The following RAB27A variants were observed in gnomAD, a reference collection of about 807,000 sequenced individuals.
RAB27A encodes ras-related protein Rab-27A.
RAB27A carries 17 observed loss-of-function variants against 20.8 expected under a neutral mutation model. The ratio of observed to expected loss-of-function variants is 0.82; its 90% CI spans 0.56 to 1.23. The LOEUF is 1.23. RAB27A is among the 50% of genes most tolerant of loss of function. The pLI is 0.00. For synonymous variants in RAB27A, 85 were observed against 92.8 expected (o/e 0.92, Z 0.48); for missense variants, 277 against 266.7 (o/e 1.04, Z -0.27).
At chr15:55,213,691 A>G (rs1376286256) in intron 6 of RAB27A, among the ~76,000 whole-genome samples, 1 of 152,182 alleles carries the variant, frequency 6.6e-6, no homozygotes, top group Non-Finnish European at 1.5e-5. Context: ...TGCCCATGTG[A>G]GGGATCTAGG....
At chr15:55,280,503 T>TTATATA (rs71297648) in intron 1 of RAB27A, among the ~76,000 whole-genome samples, 12,102 of 137,664 alleles carry the variant, frequency 0.088, 609 homozygotes, top group Non-Finnish European at 0.13. Flanking sequence ...TGGGTATGGT[T>TTATATA]TATATATATA....
rs560649281 is a variant in RAB27A, at chr15:55,243,321, C to T, written c.-22-8365G>A. On this transcript the variant is annotated intron_variant, in intron 2 of 6. Transcript: ENST00000336787. Reference sequence around the variant, plus strand: ...TTTTTCATTTACCTGTAGAATTGCTCGGCCCCGTTTTCTCTCAAATAAGTA... The same window carrying T: ...TTTTTCATTTACCTGTAGAATTGCTTGGCCCCGTTTTCTCTCAAATAAGTA... Among the ~76,000 whole-genome samples the T allele has an allele frequency of 2.6e-5, 4 of 152,260 alleles. No individual in the cohort carries two copies. The East Asian group carries it at 5.8e-4, about 22-fold the overall frequency.
chr15:55,317,864 A>C (rs957457925), intron 1 of RAB27A: 6 of 394,258 alleles, frequency 1.5e-5, no homozygotes, highest in Non-Finnish European at 2.7e-5. Context: ...AAATCTCTTC[A>C]AATCTGCATA....
At chr15:55,296,384 T>TA (rs1365516970) in intron 2 of RAB27A, among the ~76,000 whole-genome samples, 9 of 151,960 alleles carry the variant, frequency 5.9e-5, no homozygotes, top group South Asian at 2.1e-4. Context: ...TGGTCCCAGC[T>TA]ACTCGGGAGG....
chr15:55,293,636 G>A (rs554117756), upstream of RAB27A, among the ~76,000 whole-genome samples: 2 of 152,032 alleles, frequency 1.3e-5, no homozygotes, highest in Non-Finnish European at 2.9e-5. Flanking sequence ...GAAAAGACAT[G>A]GCCAGGCGCG....
At chr15:55,271,378 T>C (rs1442714631) in intron 1 of RAB27A, among the ~76,000 whole-genome samples, 1 of 152,240 alleles carries the variant, frequency 6.6e-6, no homozygotes, top group East Asian at 1.9e-4. Flanking sequence ...TTGCACATTC[T>C]TGGGCCCACC....
chr15:55,250,717 C>T (rs944863556), intron 2 of RAB27A, among the ~76,000 whole-genome samples: 10 of 152,300 alleles, frequency 6.6e-5, no homozygotes, highest in African/African-American at 1.9e-4. Context: ...CATGAAAGGG[C>T]TATTCTGGGT....
chr15:55,290,574 A>C (rs1178373977), upstream of RAB27A, among the ~76,000 whole-genome samples: 1 of 152,238 alleles, frequency 6.6e-6, no homozygotes, highest in East Asian at 1.9e-4. Context: ...AAACTACAGT[A>C]TGTTAAGGAA....
chr15:55,318,345 T>C (rs997290511), intron 1 of RAB27A, among the ~76,000 whole-genome samples: 1 of 150,358 alleles, frequency 6.7e-6, no homozygotes, highest in Admixed American at 6.6e-5. Flanking sequence ...GATCCGCCCG[T>C]CTTGGCCTCC....
chr15:55,316,229 C>T (rs1446710964), intron 1 of RAB27A, among the ~76,000 whole-genome samples: 2 of 140,768 alleles, frequency 1.4e-5, no homozygotes, highest in African/African-American at 2.7e-5. Flanking sequence ...AGCCAGACTC[C>T]GTCTCAAAAA....
intron 2 of RAB27A, among the ~76,000 whole-genome samples, chr15:55,247,937 CT>C (rs765207631): frequency 0.15 from 20,279 of 135,316 alleles, 1,847 homozygotes; most frequent in African/African-American, 0.29. Flanking sequence ...TCACTAACCA[CT>C]TTTTTTTTTT....
chr15:55,277,441 G>A (rs1031576538), intron 1 of RAB27A, among the ~76,000 whole-genome samples: 4 of 152,162 alleles, frequency 2.6e-5, no homozygotes, highest in East Asian at 1.9e-4. Context: ...CCAGGAGTTC[G>A]AGACCAGCCT....
Position 55,230,475 on chromosome 15 carries a change from G to A in RAB27A, c.165C>T (p.Ala55=), listed in dbSNP as rs765203586. 1.5e-5 allele frequency: 24 copies of A among 1,613,124 alleles called. No individual in the cohort carries two copies. In the East Asian group the frequency reaches 4.0e-4, roughly 27 times the overall value. The change falls in exon 4 of 7, where the codon GCC becomes GCT. Residue 55 remains alanine, a synonymous_variant. Transcript: ENST00000336787. The stretch of plus-strand genomic sequence containing the variant: ...TGCCAGTGGCTCCATCCGGCCCACT[G>A]GCTCTGTACACCTAAAACAGCAAAG... ...DFREKRVVYR[A]SGPDGATGRG...
rs776920896 is a variant in RAB27A, at chr15:55,230,427, C to G, written c.213G>C (p.Gln71His). ...ATGRGQRIHL[Q>H]LWDTAGQERF... ...TCTCCTGCCCTGCTGTGTCCCATAACTGCAGGTGGATTCTCTGGCCTCTGC... is the reference window on the plus strand; with the variant it reads ...TCTCCTGCCCTGCTGTGTCCCATAAGTGCAGGTGGATTCTCTGGCCTCTGC... The change falls in exon 4 of 7, where the codon CAG (glutamine) becomes CAC (histidine). Residue 71 changes from glutamine (Q) to histidine (H), a missense_variant. Gln to His is a conservative substitution (Grantham distance 24). Transcript: ENST00000336787. 1.2e-6 allele frequency: 2 copies of G among 1,613,858 alleles called. No individual in the cohort carries two copies. Among genetic ancestry groups the G allele is most frequent in the South Asian group, 2.2e-5 (2 of 91,088 alleles).
rs1206027245 is a variant in RAB27A at position 55,205,540 on chromosome 15, A to G, written c.633T>C (p.Ser211=). 6.2e-7 allele frequency: 1 copy of G among 1,613,876 alleles called. No individual in the cohort carries two copies. The highest frequency in any genetic ancestry group is 8.5e-7 in the Non-Finnish European group (1 of 1,180,004). The stretch of plus-strand genomic sequence containing the variant: ...CACATGCCCCTTTCTCCTTTTCTTC[A>G]CTTAACTGATCCGTAGAGGCATGAC... The part of the protein sequence containing the change: ...SNGHASTDQL[S]EEKEKGACGC Residue 211 remains serine (S), a synonymous_variant, in exon 7 of 7, where the codon AGT becomes AGC. Coordinates refer to ENST00000336787, the MANE Select transcript of RAB27A (RefSeq NM_183235.3).
rs368324922 is a variant in RAB27A at position 55,212,386 on chromosome 15, A to G, written c.468-6681T>C. Among the ~76,000 whole-genome samples, 5 of 152,286 alleles carry G rather than the reference A, an allele frequency of 3.3e-5. No homozygotes were observed. The South Asian group carries it at 1.0e-3, about 32-fold the overall frequency. On this transcript the variant is annotated intron_variant, in intron 6 of 6. Coordinates refer to ENST00000336787, the MANE Select transcript of RAB27A (RefSeq NM_183235.3). Reference sequence around the variant, plus strand: ...AAATCTTATGCACTGTACAAGAAGAAAACGCTGGCTTTGGGGAGTATTCAG... The same window carrying G: ...AAATCTTATGCACTGTACAAGAAGAGAACGCTGGCTTTGGGGAGTATTCAG...
upstream of RAB27A, among the ~76,000 whole-genome samples, chr15:55,290,987 G>T (rs1348842261): frequency 6.6e-6 from 1 of 152,204 alleles, no homozygotes; most frequent in African/African-American, 2.4e-5. Context: ...GCTACTCACA[G>T]TTGGCATTAC....
intron 2 of RAB27A, among the ~76,000 whole-genome samples, chr15:55,264,703 C>A (rs1897398427): frequency 1.3e-5 from 2 of 152,124 alleles, no homozygotes; most frequent in African/African-American, 4.8e-5. Flanking sequence ...AGTAAATTGG[C>A]CTCCACCAAT....
At chr15:55,267,979 C>T (rs938590799) in intron 2 of RAB27A, among the ~76,000 whole-genome samples, 2 of 152,250 alleles carry the variant, frequency 1.3e-5, no homozygotes, top group Admixed American at 1.3e-4. Flanking sequence ...ATTCTTATGG[C>T]TGCAGGGTCA....
Sources: allele counts gnomAD v4.1 joint callset (sites outside exome capture counted in the v4.1 genomes callset), GRCh38; gene constraint gnomAD v4.1.1; transcripts MANE v1.5; gene names NCBI Gene and HGNC (gene_info 2026-07-23, HGNC 2026-07-21).